Variants in PTPRG observed in about 807,000 individuals in gnomAD.
PTPRG encodes receptor-type tyrosine-protein phosphatase gamma.
PTPRG carries 102 observed loss-of-function variants against 165.3 expected under a neutral mutation model. The observed-to-expected ratio is 0.62, with a 90% CI of 0.53 to 0.73. The LOEUF (loss-of-function observed/expected upper bound fraction) is 0.73. PTPRG is among the 30% of genes least tolerant of loss of function. The pLI is 0.00. For synonymous variants in PTPRG, 675 were observed against 669.5 expected, an observed-to-expected ratio of 1.01 and a Z score of -0.13; for missense variants, 1,866 against 1,861.4, an observed-to-expected ratio of 1.00 and a Z score of -0.05.
chr3:61,999,376 C>G (rs1575869435), intron 3 of PTPRG, among the ~76,000 whole-genome samples: 1 of 152,070 alleles, frequency 6.6e-6, no homozygotes, highest in South Asian at 2.1e-4. Context: ...TGCACTAATC[C>G]CATTCACGAG....
rs546227263 is a variant in PTPRG at position 61,805,029 on chromosome 3, T to G, written c.190+56047T>G. Among the ~76,000 whole-genome samples, 3 of 152,334 alleles carry G rather than the reference T, an allele frequency of 2.0e-5. No individual in the cohort carries two copies. In the East Asian group the frequency reaches 5.8e-4, roughly 29 times the overall value. On this transcript the variant is annotated intron_variant, in intron 2 of 29. Transcript: ENST00000474889. ...TGGTGGCTCCCAGCTTCACTGGTGA[T>G]GAGGACACAGGCGCCTGAAACCCAG...
At chr3:61,881,973 C>G (rs776807328) in intron 2 of PTPRG, among the ~76,000 whole-genome samples, 24 of 152,198 alleles carry the variant, frequency 1.6e-4, no homozygotes, top group Non-Finnish European at 2.2e-4. Context: ...CCGTGTATAG[C>G]AGAGCTACTG....
intron 4 of PTPRG, among the ~76,000 whole-genome samples, chr3:62,042,063 G>C (rs1342548373): frequency 1.3e-5 from 2 of 152,312 alleles, no homozygotes; most frequent in Non-Finnish European, 2.9e-5. Context: ...ACCCAGACCT[G>C]CCTCACCTCT....
intron 2 of PTPRG, among the ~76,000 whole-genome samples, chr3:61,755,872 C>T (rs184101283): frequency 1.3e-5 from 2 of 152,296 alleles, no homozygotes; most frequent in East Asian, 3.9e-4. Flanking sequence ...TAAAGAGCTT[C>T]ACCTGGAATT....
chr3:62,273,557 G>A lies in PTPRG; in HGVS notation c.3319-141G>A, dbSNP rs1233562843. Reference sequence around the variant, plus strand: ...TAAGACTGATAAAGTGAGTATTGGAGCAAATCACCTAGCTGTAAGTGCTTG... The same window carrying A: ...TAAGACTGATAAAGTGAGTATTGGAACAAATCACCTAGCTGTAAGTGCTTG... On this transcript the variant is annotated intron_variant, in intron 22 of 29. Coordinates refer to ENST00000474889, the MANE Select transcript of PTPRG (RefSeq NM_002841.4). This position sits in a 1 kb window ranked among gnomAD's most constrained non-coding sequence, Gnocchi z 4.1. 5.0e-6 allele frequency: 4 copies of A among 794,392 alleles called. No homozygotes were observed. The African/African-American group carries it at 6.9e-5, about 14-fold the overall frequency. The allele number at this position is 794,392 out of a possible 1,614,324, so 49.2% of individuals were successfully genotyped here. A position where few individuals can be genotyped will look rare whatever the true frequency, so the allele number is the denominator to read the frequency against.
intron 4 of PTPRG, among the ~76,000 whole-genome samples, chr3:62,070,031 C>G (rs1198857997): frequency 1.3e-5 from 2 of 152,022 alleles, no homozygotes; most frequent in Admixed American, 6.6e-5. Context: ...AAACTTTGTT[C>G]AATAGGATAA....
chr3:62,092,060 A>G (rs993538483), intron 5 of PTPRG, among the ~76,000 whole-genome samples: 6 of 136,732 alleles, frequency 4.4e-5, no homozygotes, highest in Non-Finnish European at 4.7e-5. Context: ...CCCCTTATAC[A>G]TGGACACACA....
At chr3:62,264,192 G>C (rs897559653) in intron 17 of PTPRG, 1 of 151,860 alleles carries the variant, frequency 6.6e-6, no homozygotes, top group Non-Finnish European at 1.5e-5. Context: ...GGTGGCATGC[G>C]CCTGTAGTCC....
intron 1 of PTPRG, among the ~76,000 whole-genome samples, chr3:61,669,370 C>T (rs1035082410): frequency 8.1e-5 from 12 of 148,096 alleles, no homozygotes; most frequent in Non-Finnish European, 1.1e-4. Context: ...ATGCTGGTAC[C>T]GGTATCAAGA....
intron 26 of PTPRG, 133 bp from the exon 27 acceptor site, chr3:62,281,430 A>G (rs1052343579): frequency 1.1e-5 from 8 of 705,408 alleles, no homozygotes; most frequent in Non-Finnish European, 1.6e-5. Flanking sequence ...TTCGATGGGA[A>G]CATATAACTC....
chr3:61,786,592 C>A (rs866134411), intron 2 of PTPRG, among the ~76,000 whole-genome samples: 5 of 152,144 alleles, frequency 3.3e-5, no homozygotes, highest in African/African-American at 1.2e-4. Context: ...AAATCCACCC[C>A]CAGACTGGGT....
intron 19 of PTPRG, among the ~76,000 whole-genome samples, chr3:62,268,462 A>G (rs1220828853): frequency 6.6e-6 from 1 of 152,148 alleles, no homozygotes; most frequent in East Asian, 1.9e-4. Flanking sequence ...AAACCTGCAA[A>G]TCTTGCACAT....
At chr3:62,108,674 G>A (rs763044424) in intron 5 of PTPRG, among the ~76,000 whole-genome samples, 18 of 152,262 alleles carry the variant, frequency 1.2e-4, no homozygotes, top group Admixed American at 3.9e-4. Flanking sequence ...GTGTAAAAGC[G>A]TTCCTATTTC....
intron 9 of PTPRG, 49 bp downstream of exon 9, chr3:62,191,702 C>G (rs1699826839): frequency 1.2e-5 from 18 of 1,534,860 alleles, no homozygotes; most frequent in Non-Finnish European, 1.5e-5. Flanking sequence ...GAGAGGGACT[C>G]CTGCTGCAGC....
intron 2 of PTPRG, among the ~76,000 whole-genome samples, chr3:61,751,527 G>A (rs143278052): frequency 6.6e-6 from 1 of 152,276 alleles, no homozygotes; most frequent in East Asian, 1.9e-4. Context: ...CTTTAGGGGT[G>A]CAGTGTGTGA....
At chr3:61,743,672 T>A (rs181954118) in intron 1 of PTPRG, among the ~76,000 whole-genome samples, 2 of 152,312 alleles carry the variant, frequency 1.3e-5, no homozygotes, top group Admixed American at 1.3e-4. Flanking sequence ...CCTAAGCTTT[T>A]CACTGAAAAA....
At chr3:62,250,786 C>T (rs149507495) in intron 15 of PTPRG, among the ~76,000 whole-genome samples, 4 of 152,310 alleles carry the variant, frequency 2.6e-5, no homozygotes, top group Non-Finnish European at 4.4e-5. Flanking sequence ...CATCAGTTCA[C>T]CCTCTTCTGA....
At chr3:61,659,042 C>CCCCTGG (rs1480090408) in intron 1 of PTPRG, among the ~76,000 whole-genome samples, 4 of 112,616 alleles carry the variant, frequency 3.6e-5, no homozygotes, top group Admixed American at 9.5e-5. Flanking sequence ...TTTTCTCCTG[C>CCCCTGG]CCCTGCCCCT....
chr3:61,753,544 T>C (rs554700034), intron 2 of PTPRG: 31 of 438,690 alleles, frequency 7.1e-5, no homozygotes, highest in South Asian at 4.9e-4. Flanking sequence ...AAATGAAAAA[T>C]AAATCATAAA....
Sources: gnomAD v4.1 joint callset for allele counts (sites outside exome capture counted in the v4.1 genomes callset) on GRCh38, gnomAD v4.1.1 for gene constraint, Gnocchi (gnomAD v3.1) non-coding constraint, MANE v1.5 for transcripts, NCBI Gene and HGNC (gene_info 2026-07-23, HGNC 2026-07-21) for gene names.